TCTN2: variants seen among roughly 807,000 people sequenced by gnomAD.
The protein encoded by TCTN2 is tectonic family member 2.
In TCTN2, 66 loss-of-function variants were observed where a neutral mutation model predicts 83.4. The observed-to-expected ratio is 0.79, with a 90% confidence interval of 0.65 to 0.97. The LOEUF (loss-of-function observed/expected upper bound fraction) is 0.97, where lower values mean the gene tolerates loss of function less well. Ranked by LOEUF, TCTN2 falls within the 50% of genes least tolerant of loss-of-function variation. The pLI is 0.00. For synonymous variants in TCTN2, 301 were observed against 326.7 expected (o/e 0.92, Z 0.85); for missense variants, 794 against 858.1 (o/e 0.93, Z 0.93).
intron 5 of TCTN2, among the ~76,000 whole-genome samples, chr12:123,683,644 T>A (rs1163338237): frequency 1.3e-5 from 2 of 152,202 alleles, no homozygotes; most frequent in African/African-American, 2.4e-5. Context: ...GAAGCACATT[T>A]AAAATTTTTT....
chr12:123,695,567 G>T, intron 11 of TCTN2: 1 of 293,312 alleles, frequency 3.4e-6, no homozygotes, highest in Non-Finnish European at 6.3e-6. Context: ...GATTACAGGT[G>T]CACACCACCA....
Position 123,688,118 on chromosome 12 carries a change from G to A in TCTN2, c.832G>A (p.Gly278Ser), listed in dbSNP as rs950794736. Residue 278 changes from glycine (G) to serine (S), a missense_variant, in exon 7 of 18, where the codon GGT becomes AGT. Gly to Ser is a moderately conservative substitution (Grantham distance 56). Coordinates refer to ENST00000303372, the MANE Select transcript of TCTN2 (RefSeq NM_024809.5). The part of the protein sequence containing the change: ...DTDAKDFADF[G>S]YKQGDPIMTV... ...TGACGCAAAAGACTTTGCAGACTTT[G>A]GTTACAAACAAGGAGATCCCATTAT... is the stretch of plus-strand genomic sequence containing the variant. 6.2e-7 allele frequency: 1 copy of A among 1,613,914 alleles called. No individual in the cohort carries two copies. Among genetic ancestry groups the A allele is most frequent in the Non-Finnish European group, 8.5e-7 (1 of 1,179,932 alleles).
Position 123,688,171 on chromosome 12 carries a change from T to A in TCTN2, c.885T>A (p.Ile295=). The change falls in exon 7 of 18, where the codon ATT becomes ATA. Residue 295 remains isoleucine, a synonymous_variant. Transcript: ENST00000303372. ...CTGTAAAGAAGGCATATTTTACTAT[T>A]CCGCAGGTAATCGTTGCAATATTAG... ...IMTVKKAYFT[I]PQVSLAGQCM... The A allele has an allele frequency of 6.2e-7, 1 of 1,613,184 alleles. No homozygotes were observed. The highest frequency in any genetic ancestry group is 8.5e-7 in the Non-Finnish European group (1 of 1,179,416).
At chr12:123,694,091 T>C (rs1956079194) in intron 9 of TCTN2, among the ~76,000 whole-genome samples, 1 of 152,026 alleles carries the variant, frequency 6.6e-6, no homozygotes, top group Non-Finnish European at 1.5e-5. Flanking sequence ...CCTCCTGGGT[T>C]CAAACGATTC....
At position 123,681,474 on chromosome 12, in the gene TCTN2, G is replaced by A. The variant is rs118073002; in HGVS notation, c.564+2185G>A. Reference sequence around the variant, plus strand: ...AATTTGCCCATTTTGGACATTGCACGTATATGGAATCATGCAATATGTGGT... The same window carrying A: ...AATTTGCCCATTTTGGACATTGCACATATATGGAATCATGCAATATGTGGT... On this transcript the variant is annotated intron_variant, in intron 5 of 17. Coordinates refer to ENST00000303372, the MANE Select transcript of TCTN2 (RefSeq NM_024809.5). Among the ~76,000 whole-genome samples, 13 of 152,276 alleles carry A rather than the reference G, an allele frequency of 8.5e-5. No individual in the cohort carries two copies. In the East Asian group the frequency reaches 1.9e-3, roughly 23 times the overall value.
At chr12:123,690,109 T>G (rs7310918) in intron 7 of TCTN2, among the ~76,000 whole-genome samples, 2 of 152,052 alleles carry the variant, frequency 1.3e-5, no homozygotes, top group Non-Finnish European at 2.9e-5. Context: ...CTGAAATCTT[T>G]TTTTAAGTTC....
At position 123,704,544 on chromosome 12, in the gene TCTN2, C is replaced by G; in HGVS notation, c.1625C>G (p.Pro542Arg). ...GWLEIIRVDA[P>R]DPGADPLASS... ...AACATTTCTATAGGTGTAGATGCCC[C>G]TGATCCAGGTGCAGACCCGCTGGCT... Residue 542 changes from proline to arginine, a missense_variant, in exon 15 of 18, where the codon CCT becomes CGT. Transcript: ENST00000303372. 1 of 1,610,914 alleles carries G rather than the reference C, an allele frequency of 6.2e-7. No individual in the cohort carries two copies. Among genetic ancestry groups the G allele is most frequent in the Non-Finnish European group, 8.5e-7 (1 of 1,178,834 alleles).
intron 4 of TCTN2, among the ~76,000 whole-genome samples, chr12:123,676,509 A>G (rs7969130): frequency 0.36 from 52,128 of 145,420 alleles, 9,756 homozygotes; most frequent in African/African-American, 0.41. Context: ...TGGAGCTTGC[A>G]GTGAGCCAAG....
chr12:123,707,069 T>C lies in TCTN2; in HGVS notation c.1980T>C (p.Tyr660=). ...PQLLYPWTQY[Y]QGELHSQCVA... ...TTCTATATCCATGGACTCAGTATTATCAAGGTAGGGTGAAACAGATTTCTA... is the reference window on the plus strand; with the variant it reads ...TTCTATATCCATGGACTCAGTATTACCAAGGTAGGGTGAAACAGATTTCTA... The change falls in exon 17 of 18, where the codon TAT becomes TAC. Residue 660 remains tyrosine, a synonymous_variant. Coordinates refer to ENST00000303372, the MANE Select transcript of TCTN2 (RefSeq NM_024809.5). 1 of 1,613,044 alleles carries C rather than the reference T, an allele frequency of 6.2e-7. No individual in the cohort carries two copies. Among genetic ancestry groups the C allele is most frequent in the Non-Finnish European group, 8.5e-7 (1 of 1,179,868 alleles).
At chr12:123,707,287 C>G (rs1358557545) in intron 17 of TCTN2, 1 of 619,956 alleles carries the variant, frequency 1.6e-6, no homozygotes, top group Non-Finnish European at 2.8e-6. Flanking sequence ...TGCTCTGACA[C>G]CCTGGCTGGA....
At chr12:123,700,863 G>A (rs1485732248) in intron 14 of TCTN2, among the ~76,000 whole-genome samples, 4 of 152,294 alleles carry the variant, frequency 2.6e-5, no homozygotes, top group African/African-American at 7.2e-5. Context: ...AAAGAGGATC[G>A]CTGGAGCCTA....
At chr12:123,705,988 T>C (rs1378874890) in intron 15 of TCTN2, among the ~76,000 whole-genome samples, 1 of 151,968 alleles carries the variant, frequency 6.6e-6, no homozygotes, top group African/African-American at 2.4e-5. Context: ...ACTCCCAACC[T>C]GAGGTGATCT....
intron 13 of TCTN2, among the ~76,000 whole-genome samples, chr12:123,697,625 T>C (rs1956125723): frequency 6.6e-6 from 1 of 151,878 alleles, no homozygotes; most frequent in Non-Finnish European, 1.5e-5. Context: ...TTAGCCTCCC[T>C]AGCAGCTGGG....
chr12:123,673,524 C>G, intron 3 of TCTN2, 91 bp from the exon 4 acceptor site: 2 of 1,252,178 alleles, frequency 1.6e-6, no homozygotes, highest in Non-Finnish European at 1.2e-6. Flanking sequence ...TGAACGGAGG[C>G]TGATGTGTAC....
At chr12:123,687,678 A>G (rs904680115) in intron 6 of TCTN2, among the ~76,000 whole-genome samples, 1 of 133,836 alleles carries the variant, frequency 7.5e-6, no homozygotes, top group African/African-American at 2.9e-5. Context: ...AACAAAGTAA[A>G]GAGGCTGGGT....
chr12:123,705,470 C>T (rs148247923), intron 15 of TCTN2, among the ~76,000 whole-genome samples: 40 of 152,076 alleles, frequency 2.6e-4, no homozygotes, highest in Middle Eastern at 3.4e-3. Flanking sequence ...CTGCCTCCAT[C>T]GGTTTTAAGT....
At chr12:123,674,378 C>G (rs571512067) in intron 4 of TCTN2, among the ~76,000 whole-genome samples, 19 of 152,210 alleles carry the variant, frequency 1.2e-4, no homozygotes, top group African/African-American at 4.3e-4. Context: ...TTAAGCGATT[C>G]TCCTGCCTCA....
At chr12:123,703,427 C>T (rs1956195040) in intron 14 of TCTN2, among the ~76,000 whole-genome samples, 2 of 152,114 alleles carry the variant, frequency 1.3e-5, no homozygotes, top group African/African-American at 4.8e-5. Flanking sequence ...GGTCATCCAC[C>T]CACCTCAGCC....
chr12:123,691,153 G>A (rs2135840831), intron 8 of TCTN2, among the ~76,000 whole-genome samples: 1 of 152,298 alleles, frequency 6.6e-6, no homozygotes, highest in East Asian at 1.9e-4. Flanking sequence ...ACAGGTGTAA[G>A]CCATCGCGTC....
Sources: allele counts gnomAD v4.1 joint callset (sites outside exome capture counted in the v4.1 genomes callset), GRCh38; gene constraint gnomAD v4.1.1; transcripts MANE v1.5; gene names NCBI Gene and HGNC (gene_info 2026-07-23, HGNC 2026-07-21).